NINL: variants seen among roughly 807,000 people sequenced by gnomAD.
NINL encodes ninein-like protein.
Under a neutral mutation model 160.3 loss-of-function variants are expected in NINL, and 153 were observed. The observed-to-expected ratio is 0.95, with a 90% CI of 0.84 to 1.09. The LOEUF (loss-of-function observed/expected upper bound fraction) is 1.09, where lower values mean the gene tolerates loss of function less well. NINL is among the 50% of genes least tolerant of loss of function. The probability of loss-of-function intolerance (pLI) is 0.00; values close to 1 mark genes in which losing one functional copy is unlikely to be tolerated. For synonymous variants in NINL, 800 were observed against 734.8 expected, an observed-to-expected ratio of 1.09 and a Z score of -1.43; for missense variants, 1,829 against 1,764.0, an observed-to-expected ratio of 1.04 and a Z score of -0.66.
intron 1 of NINL, among the ~76,000 whole-genome samples, chr20:25,554,313 T>C (rs2064838998): frequency 6.6e-6 from 1 of 151,814 alleles, no homozygotes; most frequent in Non-Finnish European, 1.5e-5. Context: ...AGTGCCAGAG[T>C]GGACAGAACA....
chr20:25,578,189 C>T (rs1568976713), intron 1 of NINL, among the ~76,000 whole-genome samples: 1 of 150,470 alleles, frequency 6.6e-6, no homozygotes, highest in African/African-American at 2.5e-5. Context: ...CTCACTGCAA[C>T]CTCCGCCTCC....
At chr20:25,569,429 T>C (rs1330082195) in intron 1 of NINL, among the ~76,000 whole-genome samples, 1 of 152,104 alleles carries the variant, frequency 6.6e-6, no homozygotes, top group African/African-American at 2.4e-5. Context: ...GGAGCGTCTG[T>C]GATAATGCTT....
chr20:25,547,816 G>C (rs934077770), intron 1 of NINL, among the ~76,000 whole-genome samples: 2 of 152,166 alleles, frequency 1.3e-5, no homozygotes, highest in Admixed American at 1.3e-4. Flanking sequence ...GCACTCTGTT[G>C]ATGAAGCCAT....
intron 3 of NINL, among the ~76,000 whole-genome samples, chr20:25,516,202 T>C (rs1210527307): frequency 6.6e-6 from 1 of 152,138 alleles, no homozygotes; most frequent in East Asian, 1.9e-4. Context: ...TCCCCAGCCA[T>C]GGTTTCTGTA....
intron 21 of NINL, among the ~76,000 whole-genome samples, chr20:25,460,838 C>G (rs1481760847): frequency 6.6e-6 from 1 of 152,214 alleles, no homozygotes; most frequent in Non-Finnish European, 1.5e-5. Context: ...TTCCCACAGC[C>G]CCCTTTCCTC....
rs192203106 is a variant in NINL at position 25,490,800 on chromosome 20, G to C, written c.1485+551C>G. 5.9e-5 allele frequency among the ~76,000 whole-genome samples: 9 copies of C among 152,238 alleles called. 1 individual carries two copies. Among genetic ancestry groups the C allele is most frequent in the Admixed American group, 2.0e-4 (3 of 15,300 alleles). On this transcript the variant is annotated intron_variant, in intron 11 of 23. Transcript: ENST00000278886. ...GGCTGCCCAGCCTCTCCTCCCGGGAGGTGGGGCAGGTGTGGGGAGTTAGGA... is the reference window on the plus strand; with the variant it reads ...GGCTGCCCAGCCTCTCCTCCCGGGACGTGGGGCAGGTGTGGGGAGTTAGGA...
chr20:25,509,584 A>G (rs1210734166), intron 5 of NINL: 1 of 447,772 alleles, frequency 2.2e-6, no homozygotes, highest in Non-Finnish European at 4.5e-6. Flanking sequence ...AGCCTGCTGC[A>G]AGGGTTAGCC....
At chr20:25,479,825 G>C (rs940387349) in intron 15 of NINL, among the ~76,000 whole-genome samples, 2 of 152,208 alleles carry the variant, frequency 1.3e-5, no homozygotes, top group African/African-American at 4.8e-5. Context: ...GGTCGCTCAG[G>C]CTTGGAGCAC....
intron 19 of NINL, among the ~76,000 whole-genome samples, chr20:25,464,325 G>T (rs1601006262): frequency 6.6e-6 from 1 of 152,182 alleles, no homozygotes; most frequent in East Asian, 1.9e-4. Flanking sequence ...GCTGAGGCAG[G>T]AGAATCGATT....
At chr20:25,577,228 G>C (rs1295519036) in intron 1 of NINL, among the ~76,000 whole-genome samples, 1 of 152,206 alleles carries the variant, frequency 6.6e-6, no homozygotes, top group Non-Finnish European at 1.5e-5. Flanking sequence ...AGTCCCTGCT[G>C]GTCATCCCAG....
chr20:25,458,696 G>A (rs909846574), intron 21 of NINL, 167 bp from the exon 22 acceptor site: 17 of 715,788 alleles, frequency 2.4e-5, no homozygotes, highest in Non-Finnish European at 3.8e-5. Context: ...TTTGGAATTC[G>A]GACAGCCAGG....
chr20:25,480,381 G>A, intron 14 of NINL, 114 bp from the exon 15 acceptor site: 1 of 737,522 alleles, frequency 1.4e-6, no homozygotes, highest in Admixed American at 2.1e-5. Flanking sequence ...GGTGGTGCTG[G>A]CTGTGAGGAT....
intron 14 of NINL, 82 bp downstream of exon 14, chr20:25,481,886 T>C: frequency 2.0e-6 from 3 of 1,529,826 alleles, no homozygotes; most frequent in Admixed American, 1.8e-5. Context: ...ATCTTCATCA[T>C]CTCCACTCTC....
chr20:25,469,979 C>A lies in NINL; in HGVS notation c.3353+12G>T. ...CACCCCCAGAAGGTCTGGGTAGGGG[C>A]GTGGCCCTTACCTCTGTGCATCGTG... On this transcript the variant is annotated intron_variant, in intron 18 of 23. Transcript: ENST00000278886. The A allele has an allele frequency of 6.2e-7, 1 of 1,604,472 alleles. No homozygotes were observed. The highest frequency in any genetic ancestry group is 8.5e-7 in the Non-Finnish European group (1 of 1,171,186).
intron 13 of NINL, among the ~76,000 whole-genome samples, chr20:25,483,891 C>A (rs564753827): frequency 6.6e-6 from 1 of 152,348 alleles, no homozygotes; most frequent in South Asian, 2.1e-4. Context: ...GGCCTCGGTC[C>A]CCAGCCCTGC....
chr20:25,493,774 C>T (rs59887855), intron 10 of NINL, among the ~76,000 whole-genome samples: 3,313 of 152,052 alleles, frequency 0.022, 111 homozygotes, highest in African/African-American at 0.075. Flanking sequence ...GCAGGGATAC[C>T]GCTTCCTAAC....
Position 25,476,666 on chromosome 20 carries a change from G to C in NINL, c.2625C>G (p.Ala875=), listed in dbSNP as rs768869718. The C allele has an allele frequency of 4.4e-6, 7 of 1,587,244 alleles. No homozygotes were observed. The East Asian group carries it at 1.4e-4, about 31-fold the overall frequency. Residue 875 remains alanine (A), a synonymous_variant, in exon 17 of 24, where the codon GCC becomes GCG. Coordinates refer to ENST00000278886, the MANE Select transcript of NINL (RefSeq NM_025176.6). ...CCTGGGCTTGCCTGCGGCGAGGCCC[G>C]GCTCCTGCCGCCTCCTCAGACTCTC... ...DGRESEEAAG[A]GPRRRQAQDT...
At chr20:25,561,923 C>G (rs1298844352) in intron 1 of NINL, among the ~76,000 whole-genome samples, 2 of 149,918 alleles carry the variant, frequency 1.3e-5, no homozygotes, top group African/African-American at 4.9e-5. Context: ...CCCGCCAGGC[C>G]AGCCGCCCCG....
At chr20:25,564,430 G>A (rs2064977844) in intron 1 of NINL, among the ~76,000 whole-genome samples, 1 of 152,146 alleles carries the variant, frequency 6.6e-6, no homozygotes, top group African/African-American at 2.4e-5. Flanking sequence ...CCATTCTCCT[G>A]CCTCAGCCTC....
Sources: allele counts gnomAD v4.1 joint callset (sites outside exome capture counted in the v4.1 genomes callset), GRCh38; gene constraint gnomAD v4.1.1; transcripts MANE v1.5; gene names NCBI Gene and HGNC (gene_info 2026-07-23, HGNC 2026-07-21).